The following ATAD2B variants were observed in gnomAD, a reference collection of about 807,000 sequenced individuals.
The protein encoded by ATAD2B is ATPase family AAA domain-containing protein 2B.
ATAD2B carries 40 observed loss-of-function variants against 167.6 expected under a neutral mutation model. The ratio of observed to expected loss-of-function variants is 0.24; its 90% CI spans 0.19 to 0.31. The LOEUF (loss-of-function observed/expected upper bound fraction) is 0.31. ATAD2B is among the 10% of genes least tolerant of loss of function. The pLI, the probability that ATAD2B is intolerant of heterozygous loss-of-function variation, is 1.00. For missense variants in ATAD2B, 1,242 were observed against 1,757.2 expected (o/e 0.71, Z 5.24); for synonymous variants, 579 against 596.5 (o/e 0.97, Z 0.43).
intron 22 of ATAD2B, among the ~76,000 whole-genome samples, chr2:23,781,614 G>A (rs901389852): frequency 6.6e-6 from 1 of 151,936 alleles, no homozygotes; most frequent in African/African-American, 2.4e-5. Context: ...GCAGTAAGCT[G>A]AGATCATGCC....
At chr2:23,909,365 C>T (rs1165532401) in intron 1 of ATAD2B, among the ~76,000 whole-genome samples, 1 of 151,598 alleles carries the variant, frequency 6.6e-6, no homozygotes, top group Non-Finnish European at 1.5e-5. Context: ...GCCATGACTG[C>T]ACCACTGCAC....
chr2:23,858,037 C>A (rs1159253787), intron 12 of ATAD2B, among the ~76,000 whole-genome samples: 1 of 150,096 alleles, frequency 6.7e-6, no homozygotes, highest in East Asian at 2.0e-4. Flanking sequence ...GCCACCACAC[C>A]CGGCCACCAA....
the ATAD2B span, among the ~76,000 whole-genome samples, chr2:23,731,464 C>T: frequency 6.6e-6 from 1 of 152,144 alleles, no homozygotes; most frequent in African/African-American, 2.4e-5. Flanking sequence ...CTCTACGTGC[C>T]TCCTAATGAG....
the ATAD2B span, among the ~76,000 whole-genome samples, chr2:23,730,244 T>C: frequency 6.6e-6 from 1 of 152,140 alleles, no homozygotes; most frequent in African/African-American, 2.4e-5. Context: ...AAATGAGAAA[T>C]TGTTAACACA....
At chr2:23,820,803 C>T (rs762161835) in intron 16 of ATAD2B, among the ~76,000 whole-genome samples, 8 of 151,994 alleles carry the variant, frequency 5.3e-5, no homozygotes, top group Admixed American at 1.3e-4. Context: ...AAAAAATTAG[C>T]CGGGCGTGGT....
chr2:23,715,735 AAC>A, the ATAD2B span, among the ~76,000 whole-genome samples: 4 of 117,160 alleles, frequency 3.4e-5, no homozygotes, highest in East Asian at 2.1e-3. Flanking sequence ...CTGAAGCTCA[AAC>A]ACTGTGGAAA....
chr2:23,814,593 T>C (rs1686137554), intron 17 of ATAD2B, among the ~76,000 whole-genome samples: 1 of 152,134 alleles, frequency 6.6e-6, no homozygotes. Context: ...ACATGGCTCT[T>C]TGGGGTAACT....
intron 13 of ATAD2B, 150 bp downstream of exon 13, chr2:23,857,265 C>T: frequency 2.1e-6 from 1 of 483,232 alleles, no homozygotes; most frequent in Non-Finnish European, 3.7e-6. Flanking sequence ...GGTGTGCTGA[C>T]CCCTGTACTA....
intron 20 of ATAD2B, among the ~76,000 whole-genome samples, 186 bp from the exon 21 acceptor site, chr2:23,786,409 T>C (rs1680820115): frequency 6.6e-6 from 1 of 151,978 alleles, no homozygotes. Context: ...ATCATAAGAG[T>C]ATACCTGCAC....
At chr2:23,852,768 A>G (rs988786618) in intron 13 of ATAD2B, among the ~76,000 whole-genome samples, 2 of 151,980 alleles carry the variant, frequency 1.3e-5, no homozygotes, top group African/African-American at 4.8e-5. Context: ...AAAACACAAA[A>G]ATTAGCCAGG....
chr2:23,703,722 A>T, the ATAD2B span: 1 of 1,535,874 alleles, frequency 6.5e-7, no homozygotes, highest in Non-Finnish European at 8.7e-7. Flanking sequence ...CTCACAGACA[A>T]CAAGTATGCC....
Position 23,835,582 on chromosome 2 carries a change from T to A in ATAD2B, c.1569-1504A>T, listed in dbSNP as rs536355990. 4.7e-4 allele frequency among the ~76,000 whole-genome samples: 72 copies of A among 152,228 alleles called. 1 individual carries two copies. The highest frequency in any genetic ancestry group is 5.9e-4 in the Non-Finnish European group (40 of 68,048). ...GTGATGAAAATGTTCTAACATTGAC[T>A]GTAGTGATGGTTACACAACTTTGTA... On this transcript the variant is annotated intron_variant, in intron 13 of 27. Coordinates refer to ENST00000238789, the MANE Select transcript of ATAD2B (RefSeq NM_017552.4).
intron 7 of ATAD2B, among the ~76,000 whole-genome samples, chr2:23,877,145 G>A (rs1696989920): frequency 6.6e-6 from 1 of 150,942 alleles, no homozygotes; most frequent in East Asian, 2.0e-4. Flanking sequence ...TTTTTTTACA[G>A]GCTGGGCAGG....
At chr2:23,837,065 T>C (rs1690104322) in intron 13 of ATAD2B, among the ~76,000 whole-genome samples, 1 of 152,174 alleles carries the variant, frequency 6.6e-6, no homozygotes, top group South Asian at 2.1e-4. Flanking sequence ...AAGCTGTTCG[T>C]GCCAAGGGGC....
intron 12 of ATAD2B, among the ~76,000 whole-genome samples, chr2:23,858,224 G>T (rs1372053739): frequency 1.3e-5 from 2 of 149,908 alleles, no homozygotes; most frequent in Non-Finnish European, 3.0e-5. Context: ...GGGTTCAACT[G>T]ATTCTCCTGC....
chr2:23,834,976 T>C (rs1689695773), intron 13 of ATAD2B, among the ~76,000 whole-genome samples: 1 of 152,182 alleles, frequency 6.6e-6, no homozygotes, highest in African/African-American at 2.4e-5. Context: ...TCAATAGTCA[T>C]TAAGCATAAG....
chr2:23,882,746 C>G (rs1161598744), intron 6 of ATAD2B, among the ~76,000 whole-genome samples: 1 of 151,058 alleles, frequency 6.6e-6, no homozygotes, highest in African/African-American at 2.4e-5. Flanking sequence ...GGAGGCGGAG[C>G]TTGCAGTGAG....
chr2:23,896,543 A>T (rs146663863), intron 1 of ATAD2B, among the ~76,000 whole-genome samples: 1 of 152,112 alleles, frequency 6.6e-6, no homozygotes, highest in African/African-American at 2.4e-5. Context: ...GGTGTGATAT[A>T]TATCTTTTTT....
intron 18 of ATAD2B, among the ~76,000 whole-genome samples, chr2:23,808,093 T>TTA (rs1197327308): frequency 7.5e-6 from 1 of 133,706 alleles, no homozygotes; most frequent in Non-Finnish European, 1.6e-5. Flanking sequence ...ATATATATAA[T>TTA]TATATATATA....
Sources: gnomAD v4.1 joint callset for allele counts (sites outside exome capture counted in the v4.1 genomes callset) on GRCh38, gnomAD v4.1.1 for gene constraint, MANE v1.5 for transcripts, NCBI Gene and HGNC (gene_info 2026-07-23, HGNC 2026-07-21) for gene names.